Variants in ADGRB3 observed in about 807,000 individuals in gnomAD.
ADGRB3 encodes the protein adhesion G protein-coupled receptor B3, also known as brain-specific angiogenesis inhibitor 3.
In ADGRB3, 37 loss-of-function variants were observed where a neutral mutation model predicts 193.4. That is an observed-to-expected ratio of 0.19 (90% confidence interval 0.15 to 0.25). The LOEUF is 0.25. Among genes scored for constraint, ADGRB3 ranks in the 10% least tolerant of loss-of-function variants. The pLI is 1.00. For missense variants in ADGRB3, 1,637 were observed against 1,852.9 expected (o/e 0.88, Z 2.14); for synonymous variants, 690 against 644.2 (o/e 1.07, Z -1.08).
chr6:68,692,968 T>C (rs569171124), intron 3 of ADGRB3, among the ~76,000 whole-genome samples: 21 of 151,144 alleles, frequency 1.4e-4, no homozygotes, highest in African/African-American at 4.8e-4. Context: ...TATGGTTATA[T>C]TATAATATAT....
intron 17 of ADGRB3, among the ~76,000 whole-genome samples, chr6:69,116,633 A>G (rs1400210693): frequency 3.3e-5 from 5 of 152,250 alleles, no homozygotes; most frequent in Non-Finnish European, 7.3e-5. Flanking sequence ...TTCTTGCTCC[A>G]GGTAGTATTA....
intron 17 of ADGRB3, among the ~76,000 whole-genome samples, chr6:69,106,164 T>TAAAAAAAAAAAAAAAAAA (rs61114782): frequency 1.9e-4 from 17 of 91,056 alleles, no homozygotes; most frequent in Middle Eastern, 5.9e-3. Flanking sequence ...GAGACTGCGT[T>TAAAAAAAAAAAAAAAAAA]AAAAAAAAAA....
chr6:68,976,096 G>A (rs1038799703), intron 10 of ADGRB3, among the ~76,000 whole-genome samples: 1 of 152,144 alleles, frequency 6.6e-6, no homozygotes, highest in Non-Finnish European at 1.5e-5. Flanking sequence ...ATCTTGGCAG[G>A]AGTGATGTTT....
intron 16 of ADGRB3, among the ~76,000 whole-genome samples, chr6:69,074,579 C>T (rs1330462437): frequency 4.2e-5 from 6 of 143,974 alleles, no homozygotes; most frequent in East Asian, 2.1e-4. Context: ...CTTGCTCTGT[C>T]GCCCAGGCTG....
rs568388060 is a variant in ADGRB3 at position 69,029,289 on chromosome 6, C to T, written c.2107+10790C>T. Among the ~76,000 whole-genome samples, 5 of 152,124 alleles carry T rather than the reference C, an allele frequency of 3.3e-5. No individual in the cohort carries two copies. The East Asian group carries it at 9.6e-4, about 29-fold the overall frequency. On this transcript the variant is annotated intron_variant, in intron 13 of 31. Transcript: ENST00000370598. Reference sequence around the variant, plus strand: ...ATCCACTTTATTTGAAAATTTGAAACTTTTTTTGGCTAATTACACAAGTTA... The same window carrying T: ...ATCCACTTTATTTGAAAATTTGAAATTTTTTTTGGCTAATTACACAAGTTA...
rs371866685 is a variant in ADGRB3, at chr6:68,641,593, G to T, written c.757+2161G>T. On this transcript the variant is annotated intron_variant, in intron 3 of 31. Transcript: ENST00000370598. ...TATGCTATGTCAGTAAAAGCACATA[G>T]TCTCTATTCTGTACATTCTGAATTT... Among the ~76,000 whole-genome samples, 7 of 152,134 alleles carry T rather than the reference G, an allele frequency of 4.6e-5. No individual in the cohort carries two copies. In the East Asian group the frequency reaches 5.8e-4, roughly 13 times the overall value.
chr6:69,186,946 T>G (rs1765084136), intron 17 of ADGRB3, among the ~76,000 whole-genome samples: 1 of 148,814 alleles, frequency 6.7e-6, no homozygotes, highest in South Asian at 2.1e-4. Context: ...TGTTTTTTGT[T>G]TTTTTTTTTT....
intron 11 of ADGRB3, among the ~76,000 whole-genome samples, chr6:68,997,268 A>G (rs1270817611): frequency 3.9e-5 from 6 of 152,168 alleles, no homozygotes; most frequent in Non-Finnish European, 8.8e-5. Context: ...ATATGCATAT[A>G]CTTTTTTCTA....
At chr6:69,322,183 T>C (rs1768470321) in intron 20 of ADGRB3, among the ~76,000 whole-genome samples, 1 of 152,048 alleles carries the variant, frequency 6.6e-6, no homozygotes, top group African/African-American at 2.4e-5. Context: ...GGATATGATC[T>C]CATTCTTTTT....
chr6:68,853,404 G>T (rs1017350197), intron 3 of ADGRB3, among the ~76,000 whole-genome samples: 5 of 151,874 alleles, frequency 3.3e-5, no homozygotes, highest in Non-Finnish European at 7.4e-5. Context: ...TTCATTTTGT[G>T]GCAAACCATT....
chr6:69,125,874 G>T (rs1319892916), intron 17 of ADGRB3, among the ~76,000 whole-genome samples: 2 of 152,070 alleles, frequency 1.3e-5, no homozygotes, highest in African/African-American at 4.8e-5. Flanking sequence ...CCATATCCAT[G>T]TTCTCGAGAT....
intron 3 of ADGRB3, among the ~76,000 whole-genome samples, chr6:68,760,761 C>T (rs1766382003): frequency 6.6e-6 from 1 of 152,116 alleles, no homozygotes; most frequent in African/African-American, 2.4e-5. Context: ...CTCAGCAAAA[C>T]GTCACTGGGT....
At chr6:68,812,637 T>C (rs1406158794) in intron 3 of ADGRB3, among the ~76,000 whole-genome samples, 1 of 152,204 alleles carries the variant, frequency 6.6e-6, no homozygotes, top group Non-Finnish European at 1.5e-5. Context: ...TGAATGTTGC[T>C]TCTACTAATG....
intron 8 of ADGRB3, 122 bp downstream of exon 8, chr6:68,956,931 G>A (rs1410615878): frequency 3.6e-6 from 4 of 1,107,434 alleles, no homozygotes; most frequent in East Asian, 2.7e-5. Context: ...AATGATAGGT[G>A]GCAATTTACT....
chr6:69,176,858 G>A (rs921432231), intron 17 of ADGRB3, among the ~76,000 whole-genome samples: 27 of 152,116 alleles, frequency 1.8e-4, no homozygotes, highest in South Asian at 4.1e-4. Context: ...TCAATCTAGG[G>A]ACATTGTATG....
At chr6:68,927,112 A>G (rs575853067) in intron 3 of ADGRB3, among the ~76,000 whole-genome samples, 1 of 152,228 alleles carries the variant, frequency 6.6e-6, no homozygotes, top group African/African-American at 2.4e-5. Flanking sequence ...GATAACATCA[A>G]CATAAAGATA....
intron 5 of ADGRB3, among the ~76,000 whole-genome samples, chr6:68,942,846 G>A (rs1339947717): frequency 3.9e-5 from 6 of 152,104 alleles, no homozygotes; most frequent in Non-Finnish European, 7.4e-5. Context: ...CCTGACCTCA[G>A]GTGATCTGCC....
In ADGRB3 at chr6:69,315,458, A is replaced by G. The variant is rs527607957; in HGVS notation, c.2815-9414A>G. Among the ~76,000 whole-genome samples the G allele has an allele frequency of 4.5e-4, 69 of 151,654 alleles. 2 individuals carry two copies. The South Asian group carries it at 8.5e-3, about 19-fold the overall frequency. On this transcript the variant is annotated intron_variant, in intron 20 of 31. Transcript: ENST00000370598. ...AACTATCATTTATCAAGCACTTACTATGTGTAAAGTTATGTATTACCTTTG... is the reference window on the plus strand; with the variant it reads ...AACTATCATTTATCAAGCACTTACTGTGTGTAAAGTTATGTATTACCTTTG...
chr6:69,315,608 C>T (rs1309946068), intron 20 of ADGRB3, among the ~76,000 whole-genome samples: 1 of 151,246 alleles, frequency 6.6e-6, no homozygotes, highest in Non-Finnish European at 1.5e-5. Flanking sequence ...TAAAGAACTG[C>T]CTTTGAAATC....
Sources: allele counts gnomAD v4.1 joint callset (sites outside exome capture counted in the v4.1 genomes callset), GRCh38; gene constraint gnomAD v4.1.1; transcripts MANE v1.5; gene names NCBI Gene and HGNC (gene_info 2026-07-23, HGNC 2026-07-21).